Variants in BRWD1 observed in about 807,000 individuals in gnomAD.
The protein encoded by BRWD1 is bromodomain and WD repeat domain containing 1, also known as bromodomain and WD repeat-containing protein 1.
BRWD1 carries 82 observed loss-of-function variants against 251.2 expected under a neutral mutation model. The ratio of observed to expected loss-of-function variants is 0.33; its 90% confidence interval spans 0.27 to 0.39. The LOEUF is 0.39. Among genes scored for constraint, BRWD1 ranks in the 10% least tolerant of loss-of-function variants. The pLI is 1.00. For missense variants in BRWD1, 2,233 were observed against 2,711.6 expected, an observed-to-expected ratio of 0.82 and a Z score of 3.92; for synonymous variants, 918 against 902.8, an observed-to-expected ratio of 1.02 and a Z score of -0.30.
chr21:39,313,247 C>G lies in BRWD1; in HGVS notation c.102G>C (p.Ala34=). Residue 34 remains alanine (A), a synonymous_variant, in exon 2 of 41, where the codon GCG becomes GCC. Coordinates refer to ENST00000342449, the MANE Select transcript of BRWD1 (RefSeq NM_033656.4). ...CCCGCGGGCCCGCACTCACCTGGGC[C>G]GCTCTCCGACACGGGCCCGCCGATA... is the stretch of plus-strand genomic sequence containing the variant. The part of the protein sequence containing the change: ...RYLSAGPCRR[A]AQVLVQELEQ... 1 of 1,545,828 alleles carries G rather than the reference C, an allele frequency of 6.5e-7. No homozygotes were observed. Among genetic ancestry groups the G allele is most frequent in the Non-Finnish European group, 8.8e-7 (1 of 1,141,256 alleles).
chr21:39,274,636 GAA>G lies in BRWD1; in HGVS notation c.1146-166_1146-165del, dbSNP rs1383428143. The stretch of plus-strand genomic sequence containing the variant: ...AGGTATTTAGAGCGTATCTGGATGG[GAA>G]AAAAAATTTGGTTTGCTATGATTTG... On this transcript the variant is annotated intron_variant, in intron 12 of 40. Transcript: ENST00000342449. Among the ~76,000 whole-genome samples, 10 of 152,114 alleles carry G rather than the reference GAA, an allele frequency of 6.6e-5. 1 individual carries two copies. Among genetic ancestry groups the G allele is most frequent in the African/African-American group, 2.4e-4 (10 of 41,484 alleles).
At chr21:39,211,103 C>G (rs11911643) in intron 34 of BRWD1, among the ~76,000 whole-genome samples, 174 bp from the exon 35 acceptor site, 2,325 of 152,236 alleles carry the variant, frequency 0.015, 58 homozygotes, top group African/African-American at 0.053. Context: ...AAGTTATTTT[C>G]ATATAACTTA....
rs1164207064 is a variant in BRWD1 at position 39,313,616 on chromosome 21, T to C, written c.-125A>G. On this transcript the variant is annotated 5_prime_UTR_variant, in exon 1 of 41. It removes an upstream start codon present in the reference 5' UTR. Coordinates refer to ENST00000342449, the MANE Select transcript of BRWD1 (RefSeq NM_033656.4). ...GCCGCCGCCGCCGCCGCCGCCGCCA[T>C]ACCGTGCGCGCCGCCTGGACCGACG... The C allele has an allele frequency of 2.3e-5, 17 of 724,312 alleles. 1 individual carries two copies. The highest frequency in any genetic ancestry group is 1.4e-4 in the South Asian group (3 of 21,502). The allele number at this position is 724,312 out of a possible 1,614,324, so 44.9% of individuals were successfully genotyped here. A position where few individuals can be genotyped will look rare whatever the true frequency, so the allele number is the denominator to read the frequency against.
chr21:39,315,576 G>A (rs1456993838), upstream of BRWD1: 1 of 152,148 alleles, frequency 6.6e-6, no homozygotes, highest in Non-Finnish European at 1.5e-5. Context: ...GGAGGCTGCA[G>A]TGAACCGAGA....
At chr21:39,242,364 CTCTT>C (rs1480511827) in intron 21 of BRWD1, among the ~76,000 whole-genome samples, 1 of 152,174 alleles carries the variant, frequency 6.6e-6, no homozygotes, top group Non-Finnish European at 1.5e-5. Context: ...GGCCCTAACT[CTCTT>C]TAATTCTATG....
At chr21:39,258,755 T>A in intron 17 of BRWD1, 83 bp from the exon 18 acceptor site, 1 of 899,672 alleles carries the variant, frequency 1.1e-6, no homozygotes, top group Non-Finnish European at 1.6e-6. Context: ...TTAAAATACA[T>A]TAACAATGGT....
intron 15 of BRWD1, among the ~76,000 whole-genome samples, chr21:39,265,685 T>TA (rs1284801010): frequency 6.6e-6 from 1 of 152,192 alleles, no homozygotes; most frequent in African/African-American, 2.4e-5. Context: ...GATAAATGAT[T>TA]AAAGATTAAC....
chr21:39,279,765 C>T (rs1027190558), intron 9 of BRWD1, among the ~76,000 whole-genome samples: 4 of 151,768 alleles, frequency 2.6e-5, no homozygotes, highest in South Asian at 2.1e-4. Context: ...TTGCACTAGC[C>T]ACATTTAAAG....
intron 19 of BRWD1, among the ~76,000 whole-genome samples, chr21:39,255,412 CG>C (rs2146625465): frequency 6.8e-6 from 1 of 147,824 alleles, no homozygotes; most frequent in East Asian, 2.0e-4. Flanking sequence ...AACTCCGTCT[CG>C]AAAAAAAAAA....
intron 20 of BRWD1, among the ~76,000 whole-genome samples, chr21:39,248,833 C>T (rs1487996997): frequency 6.6e-6 from 1 of 152,010 alleles, no homozygotes; most frequent in African/African-American, 2.4e-5. Flanking sequence ...AACAGAATTA[C>T]CATTCCACCG....
chr21:39,195,627 A>G lies in BRWD1; in HGVS notation c.*632T>C, dbSNP rs539184534. ...TTCAAGTTTATAACATAAAAGTGACAACGTTTTCCTTAAGAAGAAAAAAAC... is the reference window on the plus strand; with the variant it reads ...TTCAAGTTTATAACATAAAAGTGACGACGTTTTCCTTAAGAAGAAAAAAAC... On this transcript the variant is annotated 3_prime_UTR_variant, in exon 41 of 41. Coordinates refer to ENST00000342449, the MANE Select transcript of BRWD1 (RefSeq NM_033656.4). The G allele has an allele frequency of 1.0e-6, 1 of 984,538 alleles. No individual in the cohort carries two copies. Among genetic ancestry groups the G allele is most frequent in the East Asian group, 1.1e-4 (1 of 8,810 alleles). 61.0% of individuals were successfully genotyped at this position (984,538 alleles called of 1,614,324 possible).
intron 29 of BRWD1, among the ~76,000 whole-genome samples, chr21:39,220,324 C>T (rs1197902223): frequency 6.6e-6 from 1 of 152,220 alleles, no homozygotes. Context: ...CACGCCTGTT[C>T]CCTCAGCCAG....
chr21:39,291,395 AT>A (rs2035803447), intron 8 of BRWD1, among the ~76,000 whole-genome samples: 1 of 152,186 alleles, frequency 6.6e-6, no homozygotes, highest in African/African-American at 2.4e-5. Context: ...TCATCTAACA[AT>A]TTACTTCAGT....
At chr21:39,304,073 G>A (rs1364355456) in intron 4 of BRWD1, among the ~76,000 whole-genome samples, 7 of 148,980 alleles carry the variant, frequency 4.7e-5, no homozygotes, top group East Asian at 2.0e-4. Flanking sequence ...CCCGGGAGGC[G>A]GAGGTTGCAG....
chr21:39,215,142 T>G, intron 32 of BRWD1, 95 bp downstream of exon 32: 4 of 1,299,120 alleles, frequency 3.1e-6, no homozygotes, highest in Non-Finnish European at 4.3e-6. Flanking sequence ...AGTGCTGGGA[T>G]TAACAGGCAT....
At chr21:39,311,924 G>A (rs1026979040) in intron 4 of BRWD1, among the ~76,000 whole-genome samples, 3 of 152,014 alleles carry the variant, frequency 2.0e-5, no homozygotes, top group Non-Finnish European at 2.9e-5. Flanking sequence ...AGTGTTACAG[G>A]TCTTCCAACT....
chr21:39,312,007 G>A (rs1342141291), intron 4 of BRWD1, among the ~76,000 whole-genome samples: 1 of 152,064 alleles, frequency 6.6e-6, no homozygotes, highest in Non-Finnish European at 1.5e-5. Flanking sequence ...AATATGGCCT[G>A]GCAATTAATG....
chr21:39,190,150 C>T lies in BRWD1; in HGVS notation c.*6109G>A. On this transcript the variant is annotated 3_prime_UTR_variant, in exon 41 of 41. Transcript: ENST00000342449. ...AGATGGTATATGTGGTGAATAGAAA[C>T]CTGGATACAAACATAACAGTTCTGA... 1 of 984,876 alleles carries T rather than the reference C, an allele frequency of 1.0e-6. No individual in the cohort carries two copies. The highest frequency in any genetic ancestry group is 4.7e-5 in the South Asian group (1 of 21,266). The allele number at this position is 984,876 out of a possible 1,614,324, so 61.0% of individuals were successfully genotyped here. A position where few individuals can be genotyped will look rare whatever the true frequency, so the allele number is the denominator to read the frequency against.
intron 29 of BRWD1, among the ~76,000 whole-genome samples, chr21:39,220,847 A>G (rs1443040208): frequency 6.6e-6 from 1 of 152,158 alleles, no homozygotes; most frequent in East Asian, 1.9e-4. Flanking sequence ...AAATATAAAT[A>G]TATAAGATAA....
Sources: allele counts gnomAD v4.1 joint callset (sites outside exome capture counted in the v4.1 genomes callset), GRCh38; gene constraint gnomAD v4.1.1; transcripts MANE v1.5; gene names NCBI Gene and HGNC (gene_info 2026-07-23, HGNC 2026-07-21).